Variants in MGAT4C observed in about 807,000 individuals in gnomAD.
MGAT4C encodes the protein MGAT4 family member C, also known as alpha-1,3-mannosyl-glycoprotein 4-beta-N-acetylglucosaminyltransferase C.
MGAT4C carries 19 observed loss-of-function variants against 40.1 expected under a neutral mutation model. That is an observed-to-expected ratio of 0.47 (90% confidence interval 0.33 to 0.70). The LOEUF (loss-of-function observed/expected upper bound fraction) is 0.70, where lower values mean the gene tolerates loss of function less well. Among genes scored for constraint, MGAT4C ranks in the 30% least tolerant of loss-of-function variants. The probability of loss-of-function intolerance (pLI) is 0.02; values close to 1 mark genes in which losing one functional copy is unlikely to be tolerated. For synonymous variants in MGAT4C, 181 were observed against 187.1 expected, an observed-to-expected ratio of 0.97 and a Z score of 0.27; for missense variants, 491 against 563.2, an observed-to-expected ratio of 0.87 and a Z score of 1.30.
chr12:86,502,617 G>A (rs938659142), intron 2 of MGAT4C, among the ~76,000 whole-genome samples: 28 of 146,700 alleles, frequency 1.9e-4, no homozygotes, highest in African/African-American at 5.0e-5. Flanking sequence ...ATATATATAT[G>A]TATATATATA....
chr12:86,415,081 T>C (rs1201451314), intron 3 of MGAT4C, among the ~76,000 whole-genome samples: 1 of 151,938 alleles, frequency 6.6e-6, no homozygotes, highest in Non-Finnish European at 1.5e-5. Context: ...AGATAATCTA[T>C]GGGAAAATTA....
chr12:86,502,776 C>T (rs181587201), intron 2 of MGAT4C, among the ~76,000 whole-genome samples: 6 of 120,700 alleles, frequency 5.0e-5, no homozygotes, highest in African/African-American at 1.5e-4. Context: ...TATGTATACA[C>T]GAGTTCTGCT....
chr12:86,431,990 A>G (rs1336942297), intron 3 of MGAT4C, among the ~76,000 whole-genome samples: 3 of 152,118 alleles, frequency 2.0e-5, no homozygotes, highest in African/African-American at 7.2e-5. Context: ...TAGGTCAACT[A>G]TTGTGTCCTG....
At chr12:86,023,439 C>T (rs1478712800) in intron 2 of MGAT4C, among the ~76,000 whole-genome samples, 1 of 151,276 alleles carries the variant, frequency 6.6e-6, no homozygotes, top group Non-Finnish European at 1.5e-5. Flanking sequence ...TTCCAAATTC[C>T]AGAAACCAGT....
chr12:86,141,969 T>C (rs1014540793), intron 1 of MGAT4C, among the ~76,000 whole-genome samples: 4 of 152,130 alleles, frequency 2.6e-5, no homozygotes, highest in East Asian at 1.9e-4. Flanking sequence ...GGAGAGTTAC[T>C]GTCCTTTTCT....
intron 1 of MGAT4C, among the ~76,000 whole-genome samples, chr12:86,157,519 A>G (rs1552841): frequency 0.084 from 12,865 of 152,258 alleles, 643 homozygotes; most frequent in Middle Eastern, 0.22. Context: ...ATCATTTTAA[A>G]GAGCATAGAA....
intron 2 of MGAT4C, among the ~76,000 whole-genome samples, chr12:86,447,630 TCTC>T (rs1338298358): frequency 6.6e-6 from 1 of 152,186 alleles, no homozygotes; most frequent in African/African-American, 2.4e-5. Context: ...TTATTTAGCT[TCTC>T]CTATACAGTA....
At chr12:86,375,161 A>C (rs1157458223) in intron 3 of MGAT4C, among the ~76,000 whole-genome samples, 1 of 152,202 alleles carries the variant, frequency 6.6e-6, no homozygotes, top group African/African-American at 2.4e-5. Context: ...AGAGAAAAAA[A>C]CCCAGTATTT....
intron 2 of MGAT4C, among the ~76,000 whole-genome samples, chr12:86,450,084 A>G (rs1957399583): frequency 6.6e-6 from 1 of 151,974 alleles, no homozygotes; most frequent in South Asian, 2.1e-4. Context: ...TTTTTGCCCT[A>G]TTTATACTGT....
chr12:86,683,959 C>T (rs376606339), intron 2 of MGAT4C, among the ~76,000 whole-genome samples: 6 of 152,120 alleles, frequency 3.9e-5, no homozygotes, highest in South Asian at 2.1e-4. Flanking sequence ...CCTCATGCAA[C>T]GATTCCCCTT....
upstream of MGAT4C, among the ~76,000 whole-genome samples, chr12:86,256,966 A>T (rs1419208626): frequency 6.6e-6 from 1 of 152,218 alleles, no homozygotes; most frequent in Non-Finnish European, 1.5e-5. Flanking sequence ...AGTGTTAAAC[A>T]CTGTTTGCAA....
At chr12:86,744,023 T>C (rs979108050) in intron 1 of MGAT4C, among the ~76,000 whole-genome samples, 2 of 151,586 alleles carry the variant, frequency 1.3e-5, no homozygotes, top group African/African-American at 2.4e-5. Context: ...GGAAGCACCC[T>C]GAGCTGAGCA....
intron 3 of MGAT4C, among the ~76,000 whole-genome samples, chr12:86,434,216 T>G (rs1957096333): frequency 1.3e-5 from 2 of 152,028 alleles, no homozygotes; most frequent in African/African-American, 4.8e-5. Context: ...TCTTCAGATG[T>G]AGCTCTTTGG....
At chr12:86,225,737 T>G (rs540344161) in intron 1 of MGAT4C, among the ~76,000 whole-genome samples, 1 of 152,122 alleles carries the variant, frequency 6.6e-6, no homozygotes, top group South Asian at 2.1e-4. Flanking sequence ...TTGATAAAAT[T>G]TAATATCTTT....
At chr12:86,235,892 T>C (rs937076941) in intron 1 of MGAT4C, among the ~76,000 whole-genome samples, 19 of 152,160 alleles carry the variant, frequency 1.2e-4, no homozygotes, top group Admixed American at 3.9e-4. Flanking sequence ...TAAATATCTA[T>C]GGTGTGATTT....
intron 2 of MGAT4C, among the ~76,000 whole-genome samples, chr12:86,687,815 T>C (rs1950100305): frequency 6.6e-6 from 1 of 152,182 alleles, no homozygotes; most frequent in Non-Finnish European, 1.5e-5. Flanking sequence ...TTCCGTTGAT[T>C]TGGGGTGGAG....
At chr12:86,368,888 A>C (rs894658954) in intron 3 of MGAT4C, among the ~76,000 whole-genome samples, 1 of 151,932 alleles carries the variant, frequency 6.6e-6, no homozygotes, top group African/African-American at 2.4e-5. Flanking sequence ...ATATATGCTC[A>C]TTTCTTCTAT....
rs2136652791 is a variant in MGAT4C at position 85,967,119 on chromosome 12, G to C, written c.*12170C>G. 1 of 152,182 alleles carries C rather than the reference G, an allele frequency of 6.6e-6. No homozygotes were observed. Among genetic ancestry groups the C allele is most frequent in the African/African-American group, 2.4e-5 (1 of 41,522 alleles). 9.4% of individuals were successfully genotyped at this position (152,182 alleles called of 1,614,324 possible). Reference sequence around the variant, plus strand: ...ACTTGCAGGATGAAAAAAGTTATTAGTTCCTGAAGATATAACATTGATTTG... The same window carrying C: ...ACTTGCAGGATGAAAAAAGTTATTACTTCCTGAAGATATAACATTGATTTG... On this transcript the variant is annotated 3_prime_UTR_variant, in exon 5 of 5. Transcript: ENST00000611864.
intron 2 of MGAT4C, among the ~76,000 whole-genome samples, chr12:86,673,791 C>A (rs765415659): frequency 6.6e-6 from 1 of 151,804 alleles, no homozygotes; most frequent in Non-Finnish European, 1.5e-5. Context: ...TAAATAGATA[C>A]TTAAATGACT....
Sources: allele counts gnomAD v4.1 joint callset (sites outside exome capture counted in the v4.1 genomes callset), GRCh38; gene constraint gnomAD v4.1.1; transcripts MANE v1.5; gene names NCBI Gene and HGNC (gene_info 2026-07-23, HGNC 2026-07-21).